Variants in REV3L observed in about 807,000 individuals in gnomAD.
REV3L encodes DNA polymerase zeta catalytic subunit.
In REV3L, 69 loss-of-function variants were observed where a neutral mutation model predicts 299.4. The observed-to-expected ratio is 0.23, with a 90% CI of 0.19 to 0.28. The LOEUF (loss-of-function observed/expected upper bound fraction) is 0.28, where lower values mean the gene tolerates loss of function less well. Among genes scored for constraint, REV3L ranks in the 10% least tolerant of loss-of-function variants. The probability of loss-of-function intolerance (pLI) is 1.00; values close to 1 mark genes in which losing one functional copy is unlikely to be tolerated. For synonymous variants in REV3L, 1,238 were observed against 1,271.4 expected (o/e 0.97, Z 0.56); for missense variants, 3,128 against 3,693.8 (o/e 0.85, Z 3.97).
Position 111,373,313 on chromosome 6 carries a change from G to T in REV3L, c.5042C>A (p.Ala1681Asp). Residue 1681 changes from alanine (A) to aspartate (D), a missense_variant, in exon 13 of 32, where the codon GCT becomes GAT. By Grantham distance (126) the Ala-to-Asp change is moderately radical. Transcript: ENST00000368802. ...TTGTCCTGGAAAAAGATCCTGAACA[G>T]CATCACTTAGGAACTTCTGAGGCAA... ...QNLPQKFLSD[A>D]VQDLFPGQAI... is the part of the protein sequence containing the mutation. The T allele has an allele frequency of 6.2e-7, 1 of 1,613,976 alleles. No homozygotes were observed. Among genetic ancestry groups the T allele is most frequent in the Non-Finnish European group, 8.5e-7 (1 of 1,179,966 alleles).
chr6:111,387,652 A>G, intron 9 of REV3L, 113 bp downstream of exon 9: 7 of 1,050,674 alleles, frequency 6.7e-6, no homozygotes, highest in Non-Finnish European at 9.6e-6. Context: ...TGCTATATCC[A>G]CAATATTTAT....
intron 13 of REV3L, among the ~76,000 whole-genome samples, chr6:111,368,290 C>A (rs1779428592): frequency 6.6e-6 from 1 of 152,060 alleles, no homozygotes; most frequent in South Asian, 2.1e-4. Flanking sequence ...TATTTTAATG[C>A]CCCATGAAGC....
intron 1 of REV3L, among the ~76,000 whole-genome samples, chr6:111,441,061 A>G (rs1788208354): frequency 6.6e-6 from 1 of 152,084 alleles, no homozygotes; most frequent in Admixed American, 6.5e-5. Flanking sequence ...TTTGAATATG[A>G]TATGTGTAGG....
intron 1 of REV3L, among the ~76,000 whole-genome samples, chr6:111,436,368 GAATC>G (rs1787551661): frequency 6.6e-6 from 1 of 152,060 alleles, no homozygotes; most frequent in Non-Finnish European, 1.5e-5. Context: ...AAAATTATTA[GAATC>G]AATGTAAGTG....
At chr6:111,329,385 T>A in intron 25 of REV3L, 147 bp downstream of exon 25, 1 of 616,696 alleles carries the variant, frequency 1.6e-6, no homozygotes, top group Non-Finnish European at 2.9e-6. Context: ...GAGGTCTCAC[T>A]ATGTTGTCCA....
chr6:111,302,542 C>T (rs977511079), intron 31 of REV3L, among the ~76,000 whole-genome samples: 1 of 152,152 alleles, frequency 6.6e-6, no homozygotes, highest in African/African-American at 2.4e-5. Flanking sequence ...CATAGGGAGG[C>T]AGGCACTTAA....
chr6:111,476,258 C>A (rs985609166), intron 1 of REV3L, among the ~76,000 whole-genome samples: 1 of 152,140 alleles, frequency 6.6e-6, no homozygotes, highest in African/African-American at 2.4e-5. Flanking sequence ...TGGGCTCAAG[C>A]GATCCTCCTG....
Position 111,372,888 on chromosome 6 carries a change from A to T in REV3L, c.5467T>A (p.Ser1823Thr). 6.2e-7 allele frequency: 1 copy of T among 1,614,090 alleles called. No homozygotes were observed. The change falls in exon 13 of 32, where the codon TCC becomes ACC. Residue 1823 changes from serine to threonine, a missense_variant. Physicochemically the swap from Ser to Thr is moderately conservative, Grantham distance 58. Around this residue, in one of 9 missense-constraint regions of REV3L, gnomAD observed 2,409 missense variants for 2,611.8 expected, o/e 0.92. Coordinates refer to ENST00000368802, the MANE Select transcript of REV3L (RefSeq NM_001372078.1). ...SANTSFTAIL[S>T]SPDGELVDVA... Reference sequence around the variant, plus strand: ...TCTACAAGTTCACCATCAGGGGAGGAGAGTATTGCAGTAAAAGAGGTATTG... The same window carrying T: ...TCTACAAGTTCACCATCAGGGGAGGTGAGTATTGCAGTAAAAGAGGTATTG...
chr6:111,336,577 C>A (rs113863318), intron 21 of REV3L, among the ~76,000 whole-genome samples: 1 of 151,972 alleles, frequency 6.6e-6, no homozygotes, highest in Non-Finnish European at 1.5e-5. Flanking sequence ...CTGGTGGGAA[C>A]GTAAAATAGA....
intron 21 of REV3L, among the ~76,000 whole-genome samples, chr6:111,341,028 T>C (rs570411377): frequency 6.8e-6 from 1 of 146,028 alleles, no homozygotes; most frequent in Non-Finnish European, 1.5e-5. Context: ...TGGTGTATAA[T>C]TTCTCCTCAG....
intron 1 of REV3L, among the ~76,000 whole-genome samples, chr6:111,454,155 C>G (rs74529244): frequency 6.6e-6 from 1 of 150,444 alleles, no homozygotes; most frequent in Non-Finnish European, 1.5e-5. Flanking sequence ...GTTGTCCAGG[C>G]GGGTCTCAAA....
intron 1 of REV3L, among the ~76,000 whole-genome samples, chr6:111,416,919 G>C (rs897699750): frequency 6.6e-6 from 1 of 152,038 alleles, no homozygotes; most frequent in Non-Finnish European, 1.5e-5. Context: ...AGGCAGCTCT[G>C]GGAGAAAGGG....
intron 31 of REV3L, among the ~76,000 whole-genome samples, chr6:111,300,640 A>C (rs963693211): frequency 6.6e-6 from 1 of 152,222 alleles, no homozygotes. Context: ...CCCCAAATTA[A>C]TACTTTCATA....
At position 111,299,213 on chromosome 6, in the gene REV3L, A is replaced by G. The variant is rs980192762; in HGVS notation, c.*803T>C. ...GATGATGGCAAATAAGATTAACTGT[A>G]CAGTACATAAGGAAAGAAAATATTT... On this transcript the variant is annotated 3_prime_UTR_variant, in exon 32 of 32. Transcript: ENST00000368802. The G allele has an allele frequency of 6.6e-6, 1 of 152,628 alleles. No homozygotes were observed. The highest frequency in any genetic ancestry group is 1.5e-5 in the Non-Finnish European group (1 of 68,006). 9.5% of individuals were successfully genotyped at this position (152,628 alleles called of 1,614,324 possible).
At position 111,375,083 on chromosome 6, in the gene REV3L, G is replaced by C. The variant is rs765214176; in HGVS notation, c.3272C>G (p.Ser1091Cys). The change falls in exon 13 of 32, where the codon TCT (serine) becomes TGT (cysteine). Residue 1091 changes from serine to cysteine, a missense_variant. Physicochemically the swap from Ser to Cys is moderately radical, Grantham distance 112. This residue lies in a region of REV3L where 2,409 missense variants were observed against 2,611.8 expected (regional missense o/e 0.92). Transcript: ENST00000368802. ...ACAATCTTCGGTTTCAGCATTGTAA[G>C]ATGGTGAGGGAGGAGAAAGAATAGC... is the stretch of plus-strand genomic sequence containing the variant. Reference protein sequence around the residue: ...SHAILSPPSPSYNAETEDCDL... With the variant: ...SHAILSPPSPCYNAETEDCDL... 1 of 1,613,934 alleles carries C rather than the reference G, an allele frequency of 6.2e-7. No individual in the cohort carries two copies. The highest frequency in any genetic ancestry group is 1.1e-5 in the South Asian group (1 of 91,000).
intron 9 of REV3L, among the ~76,000 whole-genome samples, chr6:111,382,348 T>C (rs951636216): frequency 6.6e-6 from 1 of 152,114 alleles, no homozygotes; most frequent in South Asian, 2.1e-4. Context: ...TGACAGCACC[T>C]CCCATCTCTC....
chr6:111,404,696 A>T (rs11153293), intron 4 of REV3L, among the ~76,000 whole-genome samples: 60,591 of 152,090 alleles, frequency 0.4, 14,591 homozygotes, highest in Non-Finnish European at 0.54. Context: ...AAAAGGAAAA[A>T]TAAATTTGTT....
intron 25 of REV3L, among the ~76,000 whole-genome samples, chr6:111,327,237 A>G (rs572782993): frequency 2.7e-3 from 416 of 152,308 alleles, no homozygotes; most frequent in Non-Finnish European, 4.9e-3. Context: ...ACCGAGAGGC[A>G]GGGAAGAAAT....
chr6:111,359,034 C>G lies in REV3L; in HGVS notation c.6880-20G>C. On this transcript the variant is annotated intron_variant, in intron 16 of 31. Coordinates refer to ENST00000368802, the MANE Select transcript of REV3L (RefSeq NM_001372078.1). ...TTGTATCTATAAAAGCAAATAAATA[C>G]TATGTTTTTAAAACATTTTTTAAAG... is the stretch of plus-strand genomic sequence containing the variant. 1.3e-6 allele frequency: 2 copies of G among 1,577,990 alleles called. No homozygotes were observed. Among genetic ancestry groups the G allele is most frequent in the Non-Finnish European group, 1.7e-6 (2 of 1,156,510 alleles).
Sources: allele counts gnomAD v4.1 joint callset (sites outside exome capture counted in the v4.1 genomes callset), GRCh38; gene constraint gnomAD v4.1.1; regional missense constraint gnomAD v4.1.1; transcripts MANE v1.5; gene names NCBI Gene and HGNC (gene_info 2026-07-23, HGNC 2026-07-21).